RBMS3: variants seen among roughly 807,000 people sequenced by gnomAD.
RBMS3 encodes RNA binding motif single stranded interacting protein 3, also known as RNA-binding motif, single-stranded-interacting protein 3.
A neutral mutation model predicts 66.8 loss-of-function variants in RBMS3; 27 were observed. The ratio of observed to expected loss-of-function variants is 0.40; its 90% CI spans 0.30 to 0.56. The LOEUF (loss-of-function observed/expected upper bound fraction) is 0.56, where lower values mean the gene tolerates loss of function less well. Among genes scored for constraint, RBMS3 ranks in the 20% least tolerant of loss-of-function variants. The pLI is 0.40. For missense variants in RBMS3, 513 were observed against 549.5 expected (o/e 0.93, Z 0.66); for synonymous variants, 188 against 183.0 (o/e 1.03, Z -0.22).
At chr3:29,735,390 T>A (rs1423289970) in intron 4 of RBMS3, among the ~76,000 whole-genome samples, 1 of 152,168 alleles carries the variant, frequency 6.6e-6, no homozygotes. Flanking sequence ...TTTTCTAACT[T>A]TTAATGAGCT....
At chr3:29,679,994 C>T (rs2051421497) in intron 4 of RBMS3, among the ~76,000 whole-genome samples, 4 of 152,022 alleles carry the variant, frequency 2.6e-5, no homozygotes, top group South Asian at 4.2e-4. Context: ...TGATGGCCAC[C>T]GCTGATAAAA....
intron 4 of RBMS3, among the ~76,000 whole-genome samples, chr3:29,734,825 C>A (rs1016255533): frequency 6.6e-6 from 1 of 152,020 alleles, no homozygotes. Context: ...GTTGGACTTG[C>A]ATTTTGCATA....
chr3:29,707,855 A>G (rs2052979910), intron 4 of RBMS3, among the ~76,000 whole-genome samples: 1 of 152,232 alleles, frequency 6.6e-6, no homozygotes, highest in Non-Finnish European at 1.5e-5. Flanking sequence ...TAGAAAGCCT[A>G]CAAAATACGG....
intron 4 of RBMS3, among the ~76,000 whole-genome samples, chr3:29,629,908 C>T (rs968584774): frequency 3.3e-5 from 5 of 151,978 alleles, no homozygotes; most frequent in South Asian, 2.1e-4. Context: ...AAAGGATTAG[C>T]GTTATCATTA....
intron 1 of RBMS3, among the ~76,000 whole-genome samples, chr3:29,303,685 T>G (rs1257883254): frequency 6.6e-6 from 1 of 152,004 alleles, no homozygotes; most frequent in South Asian, 2.1e-4. Context: ...GATTGTGTAC[T>G]TACCGCAATA....
At chr3:29,852,052 A>C (rs961012718) in intron 6 of RBMS3, among the ~76,000 whole-genome samples, 2 of 152,202 alleles carry the variant, frequency 1.3e-5, no homozygotes, top group African/African-American at 4.8e-5. Flanking sequence ...ATCTTCAACA[A>C]AGCTGACAAA....
chr3:29,318,677 G>A (rs866441568), intron 1 of RBMS3, among the ~76,000 whole-genome samples: 5 of 151,878 alleles, frequency 3.3e-5, no homozygotes, highest in South Asian at 2.1e-4. Flanking sequence ...TTCCTTTGAC[G>A]TTTAATTAAT....
intron 4 of RBMS3, among the ~76,000 whole-genome samples, chr3:29,667,393 G>C (rs1325231999): frequency 6.6e-6 from 1 of 152,128 alleles, no homozygotes; most frequent in East Asian, 1.9e-4. Flanking sequence ...CTGAGAACTT[G>C]TTTGAAATAC....
intron 6 of RBMS3, among the ~76,000 whole-genome samples, chr3:29,859,884 GCACACA>G (rs149338596): frequency 5.3e-5 from 8 of 150,922 alleles, no homozygotes; most frequent in Admixed American, 6.6e-5. Flanking sequence ...ATGCATGGGG[GCACACA>G]CACACACACA....
intron 8 of RBMS3, among the ~76,000 whole-genome samples, chr3:29,889,715 C>T (rs1389502716): frequency 7.3e-5 from 11 of 151,528 alleles, no homozygotes; most frequent in Non-Finnish European, 1.0e-4. Flanking sequence ...TATAATAGTT[C>T]CCTGCTAGAA....
chr3:29,773,445 A>G (rs747885930), intron 6 of RBMS3, among the ~76,000 whole-genome samples: 3 of 152,084 alleles, frequency 2.0e-5, no homozygotes, highest in Non-Finnish European at 4.4e-5. Context: ...CAAGATTGGG[A>G]GGCTGTACAT....
intron 8 of RBMS3, among the ~76,000 whole-genome samples, chr3:29,892,843 G>GTATGTATTTATTTATTTATT (rs1336972891): frequency 1.3e-4 from 18 of 137,528 alleles, no homozygotes; most frequent in African/African-American, 4.0e-4. Context: ...ATGTATGTAT[G>GTATGTATTTATTTATTTATT]TATTTATTTA....
chr3:29,333,236 G>C (rs955386860), intron 1 of RBMS3, among the ~76,000 whole-genome samples: 50 of 152,090 alleles, frequency 3.3e-4, no homozygotes, highest in African/African-American at 1.1e-3. Flanking sequence ...TGAATCAATT[G>C]TGTATTTCTT....
chr3:29,550,485 A>G (rs1429520635), intron 3 of RBMS3, among the ~76,000 whole-genome samples: 19 of 152,168 alleles, frequency 1.2e-4, no homozygotes, highest in Non-Finnish European at 2.5e-4. Flanking sequence ...GTGTAATAAT[A>G]GTATAAAAAG....
At chr3:29,971,368 CTTGT>C (rs150403023) in intron 12 of RBMS3, among the ~76,000 whole-genome samples, 86 of 151,730 alleles carry the variant, frequency 5.7e-4, no homozygotes, top group African/African-American at 1.7e-3. Flanking sequence ...TCCTAATACA[CTTGT>C]TTGTTTGTTT....
At chr3:29,697,394 A>C (rs948246671) in intron 4 of RBMS3, among the ~76,000 whole-genome samples, 6 of 152,178 alleles carry the variant, frequency 3.9e-5, no homozygotes, top group African/African-American at 1.4e-4. Flanking sequence ...TCTCTCTGAA[A>C]CGTTGGGGGA....
At chr3:29,902,306 A>T (rs929667607) in intron 10 of RBMS3, among the ~76,000 whole-genome samples, 1 of 151,896 alleles carries the variant, frequency 6.6e-6, no homozygotes, top group Admixed American at 6.6e-5. Flanking sequence ...TTATTATTTA[A>T]TTATATTAGT....
rs144576838 is a variant in RBMS3, at chr3:29,441,846, G to C, written c.248+6931G>C. ...ATCGGAAAACATAATTTAATCCCCT[G>C]TTTTAGCTCTCTTACTCTGACTTTC... On this transcript the variant is annotated intron_variant, in intron 2 of 14. Coordinates refer to ENST00000383767, the MANE Select transcript of RBMS3 (RefSeq NM_001003793.3). Among the ~76,000 whole-genome samples, 249 of 152,228 alleles carry C rather than the reference G, an allele frequency of 1.6e-3. 4 individuals carry two copies. Among genetic ancestry groups the C allele is most frequent in the African/African-American group, 5.8e-3 (240 of 41,536 alleles).
At chr3:29,944,944 A>G (rs377281449) in intron 12 of RBMS3, among the ~76,000 whole-genome samples, 1 of 151,726 alleles carries the variant, frequency 6.6e-6, no homozygotes, top group South Asian at 2.1e-4. Flanking sequence ...GTAATAGGAT[A>G]TGTCTATGTA....
Sources: allele counts gnomAD v4.1 joint callset (sites outside exome capture counted in the v4.1 genomes callset), GRCh38; gene constraint gnomAD v4.1.1; transcripts MANE v1.5; gene names NCBI Gene and HGNC (gene_info 2026-07-23, HGNC 2026-07-21).